PDE4D: variants seen among roughly 807,000 people sequenced by gnomAD.
PDE4D encodes the protein phosphodiesterase 4D.
PDE4D carries 24 observed loss-of-function variants against 87.4 expected under a neutral mutation model. The ratio of observed to expected loss-of-function variants is 0.27; its 90% CI spans 0.20 to 0.39. PDE4D has a LOEUF of 0.39. Among genes scored for constraint, PDE4D ranks in the 10% least tolerant of loss-of-function variants. PDE4D has a pLI of 1.00. For synonymous variants in PDE4D, 384 were observed against 383.2 expected (o/e 1.00, Z -0.02); for missense variants, 714 against 1,041.0 (o/e 0.69, Z 4.32).
chr5:59,004,153 TA>T (rs1751103801), intron 6 of PDE4D, among the ~76,000 whole-genome samples: 1 of 151,328 alleles, frequency 6.6e-6, no homozygotes, highest in Admixed American at 6.6e-5. Context: ...AAAATCAGTA[TA>T]ATGGCTTATC....
At chr5:60,391,709 G>A (rs1246963400) in intron 1 of PDE4D, among the ~76,000 whole-genome samples, 3 of 152,078 alleles carry the variant, frequency 2.0e-5, no homozygotes, top group African/African-American at 4.8e-5. Context: ...AAGATCATCT[G>A]ATTAGTAATC....
At chr5:59,657,983 C>T (rs1303656385) in intron 1 of PDE4D, among the ~76,000 whole-genome samples, 1 of 152,076 alleles carries the variant, frequency 6.6e-6, no homozygotes, top group African/African-American at 2.4e-5. Flanking sequence ...CATAAAAATT[C>T]CTGTTGGCTT....
chr5:60,336,252 C>T (rs571088227), intron 1 of PDE4D, among the ~76,000 whole-genome samples: 8 of 152,302 alleles, frequency 5.3e-5, no homozygotes, highest in African/African-American at 1.7e-4. Flanking sequence ...AGTTTCTTTC[C>T]TTGGCATTGC....
chr5:60,319,428 G>A (rs1225557452), intron 1 of PDE4D, among the ~76,000 whole-genome samples: 3 of 152,068 alleles, frequency 2.0e-5, no homozygotes, highest in East Asian at 1.9e-4. Context: ...CCATGGCTTC[G>A]AACTTCCTCC....
intron 2 of PDE4D, among the ~76,000 whole-genome samples, chr5:60,052,035 G>C (rs535181605): frequency 6.6e-6 from 1 of 152,132 alleles, no homozygotes; most frequent in Non-Finnish European, 1.5e-5. Flanking sequence ...GTTCTGAATT[G>C]AGGCAGTAAT....
At chr5:60,193,139 G>C (rs987388155) in intron 1 of PDE4D, among the ~76,000 whole-genome samples, 1 of 151,786 alleles carries the variant, frequency 6.6e-6, no homozygotes, top group African/African-American at 2.4e-5. Context: ...TCTAGTAATG[G>C]TGTCTATAAA....
chr5:59,670,865 T>C (rs1345459427), intron 1 of PDE4D, among the ~76,000 whole-genome samples: 2 of 152,280 alleles, frequency 1.3e-5, no homozygotes, highest in Middle Eastern at 3.4e-3. Context: ...GATGGCGGTC[T>C]TGCTGTGTTA....
At chr5:59,869,489 A>T (rs1482435486) in intron 1 of PDE4D, among the ~76,000 whole-genome samples, 1 of 152,236 alleles carries the variant, frequency 6.6e-6, no homozygotes, top group Non-Finnish European at 1.5e-5. Flanking sequence ...CAGATCATGC[A>T]GATTCCTGAA....
chr5:59,019,353 C>G (rs1253900941), intron 6 of PDE4D, among the ~76,000 whole-genome samples: 1 of 152,164 alleles, frequency 6.6e-6, no homozygotes, highest in Non-Finnish European at 1.5e-5. Flanking sequence ...CCAGATATAA[C>G]CTTCTAAAGT....
intron 1 of PDE4D, among the ~76,000 whole-genome samples, chr5:59,393,625 T>C (rs1788686913): frequency 6.6e-6 from 1 of 152,258 alleles, no homozygotes; most frequent in Non-Finnish European, 1.5e-5. Flanking sequence ...TTCCTCTTTT[T>C]TCTTCACTGA....
At chr5:59,305,092 T>A (rs1771057668) in intron 1 of PDE4D, among the ~76,000 whole-genome samples, 2 of 152,088 alleles carry the variant, frequency 1.3e-5, no homozygotes, top group South Asian at 4.1e-4. Context: ...ATCTGTTCAG[T>A]GTATCTAATT....
At chr5:60,221,154 G>A (rs180798485) in intron 1 of PDE4D, among the ~76,000 whole-genome samples, 46 of 151,752 alleles carry the variant, frequency 3.0e-4, no homozygotes, top group African/African-American at 9.9e-4. Context: ...ATACTGTAAG[G>A]CCAACCACAC....
intron 5 of PDE4D, among the ~76,000 whole-genome samples, chr5:59,121,875 G>A (rs779577733): frequency 6.6e-6 from 1 of 152,128 alleles, no homozygotes; most frequent in Non-Finnish European, 1.5e-5. Context: ...CAGGCACAGT[G>A]GCTTATGCCT....
intron 1 of PDE4D, among the ~76,000 whole-genome samples, chr5:60,441,459 C>G (rs1480165174): frequency 6.6e-6 from 1 of 152,068 alleles, no homozygotes; most frequent in East Asian, 1.9e-4. Flanking sequence ...AAGACCTACA[C>G]GTAAGACCTA....
At chr5:59,154,908 C>T (rs1334380489) in intron 5 of PDE4D, among the ~76,000 whole-genome samples, 1 of 152,066 alleles carries the variant, frequency 6.6e-6, no homozygotes. Context: ...TATAGACAGA[C>T]AGATAGATTT....
intron 2 of PDE4D, among the ~76,000 whole-genome samples, chr5:59,207,305 A>G (rs985837634): frequency 6.6e-6 from 1 of 152,200 alleles, no homozygotes; most frequent in Non-Finnish European, 1.5e-5. Context: ...ATAAAGTGAG[A>G]GTACACTAGT....
intron 1 of PDE4D, among the ~76,000 whole-genome samples, chr5:60,419,020 T>C (rs191851568): frequency 6.6e-6 from 1 of 152,158 alleles, no homozygotes; most frequent in Non-Finnish European, 1.5e-5. Flanking sequence ...AAAGTCAGCA[T>C]TCCTCCCATA....
At chr5:59,833,316 C>T (rs1284905607) in intron 1 of PDE4D, among the ~76,000 whole-genome samples, 1 of 151,822 alleles carries the variant, frequency 6.6e-6, no homozygotes, top group Non-Finnish European at 1.5e-5. Context: ...AAAATGGGGT[C>T]AACTTAGCAC....
chr5:59,284,309 G>A (rs560727354), intron 1 of PDE4D, among the ~76,000 whole-genome samples: 2 of 152,146 alleles, frequency 1.3e-5, no homozygotes, highest in African/African-American at 4.8e-5. Flanking sequence ...AACTCCTACT[G>A]GAAAGGATTG....
Sources: allele counts gnomAD v4.1 joint callset (sites outside exome capture counted in the v4.1 genomes callset), GRCh38; gene constraint gnomAD v4.1.1; transcripts MANE v1.5; gene names NCBI Gene and HGNC (gene_info 2026-07-23, HGNC 2026-07-21).